DSCAM: variants seen among roughly 807,000 people sequenced by gnomAD.
DSCAM encodes the protein DS cell adhesion molecule.
Under a neutral mutation model 217.7 loss-of-function variants are expected in DSCAM, and 47 were observed. That is an observed-to-expected ratio of 0.22 (90% CI 0.17 to 0.28). The LOEUF (loss-of-function observed/expected upper bound fraction) is 0.28, where lower values mean the gene tolerates loss of function less well. Ranked by LOEUF, DSCAM falls within the 10% of genes least tolerant of loss-of-function variation. The pLI, the probability that DSCAM is intolerant of heterozygous loss-of-function variation, is 1.00. For missense variants in DSCAM, 2,080 were observed against 2,618.3 expected (o/e 0.79, Z 4.49); for synonymous variants, 1,056 against 1,015.3 (o/e 1.04, Z -0.76).
intron 1 of DSCAM, among the ~76,000 whole-genome samples, chr21:40,830,589 C>T (rs544845357): frequency 3.3e-5 from 5 of 152,286 alleles, no homozygotes; most frequent in East Asian, 3.9e-4. Flanking sequence ...TTAGACTGCC[C>T]GGGTTCAAAT....
At position 40,667,064 on chromosome 21, in the gene DSCAM, C is replaced by T. The variant is rs182477282; in HGVS notation, c.508+25746G>A. ...AGGTTGGTGGGATGCCCCACTCTCCCGAAGAAGCAGCAGACTTATCCAGGT... is the reference window on the plus strand; with the variant it reads ...AGGTTGGTGGGATGCCCCACTCTCCTGAAGAAGCAGCAGACTTATCCAGGT... On this transcript the variant is annotated intron_variant, in intron 3 of 32. Coordinates refer to ENST00000400454, the MANE Select transcript of DSCAM (RefSeq NM_001389.5). Among the ~76,000 whole-genome samples, 197 of 152,310 alleles carry T rather than the reference C, an allele frequency of 1.3e-3. 1 individual carries two copies. Among genetic ancestry groups the T allele is most frequent in the Non-Finnish European group, 2.5e-3 (171 of 68,022 alleles).
chr21:40,665,861 G>T (rs750306071), intron 3 of DSCAM, among the ~76,000 whole-genome samples: 2 of 152,214 alleles, frequency 1.3e-5, no homozygotes, highest in African/African-American at 2.4e-5. Context: ...CCATGACCTC[G>T]GGTGTGAAGA....
chr21:40,074,021 A>G (rs549801155), intron 27 of DSCAM, among the ~76,000 whole-genome samples: 9 of 152,298 alleles, frequency 5.9e-5, no homozygotes, highest in African/African-American at 2.2e-4. Context: ...GAATTCCATA[A>G]AAAGCAGTGC....
rs561932859 is a variant in DSCAM at position 40,639,977 on chromosome 21, C to T, written c.508+52833G>A. 1.2e-4 allele frequency among the ~76,000 whole-genome samples: 18 copies of T among 152,248 alleles called. No individual in the cohort carries two copies. In the East Asian group the frequency reaches 3.3e-3, roughly 28 times the overall value. ...CATGGAAGTGCCATGTGTTAAGCACCGACTTGCTAATAGTGCTGCCTGTGT... is the reference window on the plus strand; with the variant it reads ...CATGGAAGTGCCATGTGTTAAGCACTGACTTGCTAATAGTGCTGCCTGTGT... On this transcript the variant is annotated intron_variant, in intron 3 of 32. Coordinates refer to ENST00000400454, the MANE Select transcript of DSCAM (RefSeq NM_001389.5).
chr21:40,084,075 T>C (rs2089500648), intron 23 of DSCAM, 69 bp from the exon 24 acceptor site: 2 of 1,247,782 alleles, frequency 1.6e-6, no homozygotes, highest in Non-Finnish European at 2.2e-6. Context: ...TGAACAGTCA[T>C]TTACCAACTC....
chr21:40,629,958 C>G (rs752696002), intron 3 of DSCAM, among the ~76,000 whole-genome samples: 3 of 152,074 alleles, frequency 2.0e-5, no homozygotes, highest in Non-Finnish European at 2.9e-5. Context: ...ACAATATAGA[C>G]AACATAGAGA....
Position 40,611,057 on chromosome 21 carries a change from A to ATTTT in DSCAM, c.508+81749_508+81752dup, listed in dbSNP as rs527262141. Among the ~76,000 whole-genome samples the ATTTT allele has an allele frequency of 9.8e-4, 127 of 129,794 alleles. 1 individual carries two copies. The highest frequency in any genetic ancestry group is 4.4e-3 in the Middle Eastern group (1 of 228). The allele number at this position is 129,794 out of a possible 152,430, so 85.1% of individuals were successfully genotyped here. A position where few individuals can be genotyped will look rare whatever the true frequency, so the allele number is the denominator to read the frequency against. ...AAGAAACAGGTGAAATTAGTTTTCA[A>ATTTT]TTTTTTTTTTTTTTTTTTTGGGATG... On this transcript the variant is annotated intron_variant, in intron 3 of 32. Transcript: ENST00000400454.
intron 16 of DSCAM, among the ~76,000 whole-genome samples, chr21:40,158,797 A>G (rs2090507281): frequency 6.6e-6 from 1 of 152,238 alleles, no homozygotes; most frequent in Non-Finnish European, 1.5e-5. Flanking sequence ...TACTCAAAGC[A>G]CAAAGTACTT....
At position 40,550,071 on chromosome 21, in the gene DSCAM, A is replaced by G. The variant is rs202221460; in HGVS notation, c.508+142739T>C. Among the ~76,000 whole-genome samples the G allele has an allele frequency of 3.9e-5, 6 of 152,238 alleles. No individual in the cohort carries two copies. In the East Asian group the frequency reaches 9.7e-4, roughly 25 times the overall value. On this transcript the variant is annotated intron_variant, in intron 3 of 32. Transcript: ENST00000400454. ...AGAACCCTACCAAAATACTAGTCCT[A>G]CCTATAGGAAATGTCCGATATCACC...
intron 11 of DSCAM, among the ~76,000 whole-genome samples, chr21:40,251,700 T>C (rs1156311339): frequency 3.3e-5 from 5 of 152,206 alleles, no homozygotes; most frequent in Non-Finnish European, 7.3e-5. Context: ...TCTCCTATTC[T>C]TGAGTGTAGG....
chr21:40,252,108 G>A (rs762401247), intron 11 of DSCAM, among the ~76,000 whole-genome samples: 1 of 152,200 alleles, frequency 6.6e-6, no homozygotes, highest in Non-Finnish European at 1.5e-5. Context: ...AAAGCTGTTT[G>A]TTTCAGATGG....
chr21:40,533,185 T>G (rs1310920267), intron 3 of DSCAM, among the ~76,000 whole-genome samples: 1 of 152,208 alleles, frequency 6.6e-6, no homozygotes, highest in East Asian at 1.9e-4. Flanking sequence ...GCTACCTCAT[T>G]GTCTTGGCTT....
chr21:40,091,584 C>T (rs773157091), intron 21 of DSCAM, among the ~76,000 whole-genome samples: 3 of 152,086 alleles, frequency 2.0e-5, no homozygotes, highest in Non-Finnish European at 2.9e-5. Context: ...TGTCTCTATG[C>T]ATATACTTTT....
At chr21:40,575,655 T>C (rs2076844330) in intron 3 of DSCAM, among the ~76,000 whole-genome samples, 1 of 152,122 alleles carries the variant, frequency 6.6e-6, no homozygotes, top group Non-Finnish European at 1.5e-5. Flanking sequence ...ATAAAAGAAT[T>C]AGGCTTCATC....
intron 5 of DSCAM, among the ~76,000 whole-genome samples, chr21:40,351,739 A>G (rs960264603): frequency 2.0e-5 from 3 of 152,218 alleles, no homozygotes; most frequent in African/African-American, 7.2e-5. Flanking sequence ...ACAATGATAA[A>G]AATAAGCACA....
intron 3 of DSCAM, among the ~76,000 whole-genome samples, chr21:40,556,166 A>G (rs899624360): frequency 2.6e-5 from 4 of 152,214 alleles, no homozygotes; most frequent in African/African-American, 7.2e-5. Context: ...AATAATGTTT[A>G]TAATATTCAG....
At chr21:40,216,282 A>T (rs550783179) in intron 11 of DSCAM, among the ~76,000 whole-genome samples, 292 of 149,760 alleles carry the variant, frequency 1.9e-3, no homozygotes, top group Non-Finnish European at 3.1e-3. Flanking sequence ...TTAAAAAAAA[A>T]ATTTTTTTTT....
At chr21:40,362,449 G>T (rs1601587041) in intron 4 of DSCAM, among the ~76,000 whole-genome samples, 1 of 152,152 alleles carries the variant, frequency 6.6e-6, no homozygotes, top group East Asian at 1.9e-4. Context: ...TTTGAGAGGG[G>T]TGCTGTGCAC....
At chr21:40,536,421 A>G (rs1220299397) in intron 3 of DSCAM, among the ~76,000 whole-genome samples, 6 of 107,986 alleles carry the variant, frequency 5.6e-5, no homozygotes, top group African/African-American at 2.2e-4. Context: ...TTTTTTTTTG[A>G]GACGGAGTCT....
Sources: gnomAD v4.1 joint callset for allele counts (sites outside exome capture counted in the v4.1 genomes callset) on GRCh38, gnomAD v4.1.1 for gene constraint, MANE v1.5 for transcripts, NCBI Gene and HGNC (gene_info 2026-07-23, HGNC 2026-07-21) for gene names.